Variants in SHROOM4 observed in about 807,000 individuals in gnomAD.
The protein encoded by SHROOM4 is shroom family member 4, also known as protein Shroom4.
Under a neutral mutation model 80.3 loss-of-function variants are expected in SHROOM4, and 17 were observed. That is an observed-to-expected ratio of 0.21 (90% CI 0.14 to 0.32). SHROOM4 has a LOEUF of 0.32. Ranked by LOEUF, SHROOM4 falls within the 10% of genes least tolerant of loss-of-function variation. The pLI is 1.00. For synonymous variants in SHROOM4, 400 were observed against 437.5 expected (o/e 0.91, Z 1.07); for missense variants, 993 against 1,140.3 (o/e 0.87, Z 1.86).
At chrX:50,724,528 G>A (rs868925436) in intron 1 of SHROOM4, among the ~76,000 whole-genome samples, 1 of 112,900 alleles carries the variant, frequency 8.9e-6, no homozygotes, top group Non-Finnish European at 1.9e-5. Context: ...GCAATGGCAC[G>A]ATCTTGGCTC....
chrX:50,628,114 G>A (rs782188580), intron 4 of SHROOM4, among the ~76,000 whole-genome samples: 1 of 111,778 alleles, frequency 8.9e-6, no homozygotes, highest in African/African-American at 3.3e-5. Flanking sequence ...GACCCTTGAG[G>A]GGGGCTTTGA....
At chrX:50,579,298 T>C in the SHROOM4 span, among the ~76,000 whole-genome samples, 1 of 112,124 alleles carries the variant, frequency 8.9e-6, no homozygotes, top group Non-Finnish European at 1.9e-5. Context: ...TTCCTCTAAA[T>C]GTTGAAAACA....
chrX:50,735,733 C>T (rs1157997479), intron 1 of SHROOM4, among the ~76,000 whole-genome samples: 1 of 111,400 alleles, frequency 9.0e-6, no homozygotes, highest in African/African-American at 3.3e-5. Flanking sequence ...CGTGGCTGGG[C>T]GCAGTGGCTC....
chrX:50,774,009 C>A (rs1045318162), intron 1 of SHROOM4, among the ~76,000 whole-genome samples: 1 of 111,797 alleles, frequency 8.9e-6, no homozygotes, highest in Non-Finnish European at 1.9e-5. Context: ...ATGGTGACAC[C>A]TTTTCCCTGA....
intron 7 of SHROOM4, among the ~76,000 whole-genome samples, chrX:50,599,975 G>A (rs1392256068): frequency 9.0e-6 from 1 of 111,281 alleles, no homozygotes; most frequent in Non-Finnish European, 1.9e-5. Context: ...CCCTATAGGT[G>A]AGTACAGTCA....
Position 50,710,219 on chromosome X carries a change from GTTC to G in SHROOM4, c.118-14285_118-14283del, listed in dbSNP as rs782162339. Among the ~76,000 whole-genome samples, 15 of 111,891 alleles carry G rather than the reference GTTC, an allele frequency of 1.3e-4. No homozygotes were observed. The East Asian group carries it at 4.2e-3, about 31-fold the overall frequency. ...ATCTACCAAAAAGACACACTTGTAT[GTTC>G]ATTGCAGCACTATTCACAATAGCTA... On this transcript the variant is annotated intron_variant, in intron 1 of 8. Transcript: ENST00000376020.
chrX:50,681,774 T>G (rs1932944388), intron 2 of SHROOM4, among the ~76,000 whole-genome samples: 1 of 112,613 alleles, frequency 8.9e-6, no homozygotes, highest in Non-Finnish European at 1.9e-5. Flanking sequence ...TTTTGTTCAC[T>G]GATATACCCC....
intron 2 of SHROOM4, among the ~76,000 whole-genome samples, chrX:50,690,493 A>C (rs1340390566): frequency 8.9e-6 from 1 of 111,870 alleles, no homozygotes; most frequent in African/African-American, 3.2e-5. Context: ...TTACTTCTGA[A>C]TATTCTCAAA....
At chrX:50,785,871 T>G (rs782207521) in intron 1 of SHROOM4, among the ~76,000 whole-genome samples, 18 of 111,686 alleles carry the variant, frequency 1.6e-4, no homozygotes, top group African/African-American at 4.9e-4. Flanking sequence ...CTGAATATCA[T>G]AGTGAATATA....
chrX:50,711,196 T>A (rs960113038), intron 1 of SHROOM4, among the ~76,000 whole-genome samples: 2 of 112,052 alleles, frequency 1.8e-5, no homozygotes, highest in African/African-American at 6.5e-5. Context: ...GGAAAAGAAA[T>A]GCTTCCAGGT....
At chrX:50,602,611 A>T (rs1237207289) in intron 7 of SHROOM4, 22 bp downstream of exon 7, 2 of 1,204,502 alleles carry the variant, frequency 1.7e-6, no homozygotes, top group African/African-American at 3.5e-5. Flanking sequence ...GAAAATCTCT[A>T]GGACACATCA....
chrX:50,799,454 G>A (rs782033452), intron 1 of SHROOM4, among the ~76,000 whole-genome samples: 2 of 111,425 alleles, frequency 1.8e-5, no homozygotes, highest in Non-Finnish European at 3.8e-5. Flanking sequence ...CTAATTGACT[G>A]CCACAGAGAC....
chrX:50,788,244 A>T (rs183950483), intron 1 of SHROOM4, among the ~76,000 whole-genome samples: 38 of 112,041 alleles, frequency 3.4e-4, no homozygotes, highest in Non-Finnish European at 6.4e-4. Flanking sequence ...GTTGTTAATC[A>T]GCTTAAAATA....
chrX:50,684,918 A>C (rs1170958178), intron 2 of SHROOM4, among the ~76,000 whole-genome samples: 2 of 112,214 alleles, frequency 1.8e-5, no homozygotes, highest in Non-Finnish European at 3.8e-5. Context: ...TGCTGGGATG[A>C]AGTATTTAGA....
chrX:50,705,989 T>TACACACACACACAC (rs56363612), intron 1 of SHROOM4, among the ~76,000 whole-genome samples: 12 of 74,385 alleles, frequency 1.6e-4, no homozygotes, highest in African/African-American at 5.2e-4. Context: ...TCTCATCCTC[T>TACACACACACACAC]ACACACACAC....
intron 1 of SHROOM4, among the ~76,000 whole-genome samples, chrX:50,795,096 T>C (rs1935952794): frequency 3.4e-5 from 2 of 58,094 alleles, no homozygotes; most frequent in African/African-American, 1.8e-4. Flanking sequence ...ATGATATATA[T>C]ATATGATATA....
intron 1 of SHROOM4, among the ~76,000 whole-genome samples, chrX:50,809,829 G>A (rs1557273285): frequency 8.9e-6 from 1 of 111,974 alleles, no homozygotes; most frequent in African/African-American, 3.2e-5. Flanking sequence ...CAGTACTTCT[G>A]AGTCAATGAG....
the SHROOM4 span, among the ~76,000 whole-genome samples, chrX:50,577,533 A>G: frequency 8.9e-6 from 1 of 112,262 alleles, no homozygotes; most frequent in Non-Finnish European, 1.9e-5. Flanking sequence ...AAAACAAGCC[A>G]TCTCTTTGTA....
At chrX:50,656,144 A>G (rs1557259440) in intron 2 of SHROOM4, among the ~76,000 whole-genome samples, 1 of 111,562 alleles carries the variant, frequency 9.0e-6, no homozygotes, top group Non-Finnish European at 1.9e-5. Context: ...ATTTCCTTAT[A>G]TGTTTTGGAT....
Sources: gnomAD v4.1 joint callset for allele counts (sites outside exome capture counted in the v4.1 genomes callset) on GRCh38, gnomAD v4.1.1 for gene constraint, MANE v1.5 for transcripts, NCBI Gene and HGNC (gene_info 2026-07-23, HGNC 2026-07-21) for gene names.